Variants in QTMAN observed in about 807,000 individuals in gnomAD.
QTMAN encodes the protein tRNA-queuosine alpha-mannosyltransferase.
the QTMAN span, among the ~76,000 whole-genome samples, chr2:144,187,670 CAG>C: frequency 6.6e-6 from 1 of 152,132 alleles, no homozygotes; most frequent in Non-Finnish European, 1.5e-5. Flanking sequence ...TGATACCAGA[CAG>C]AGTCCTTTAT....
the QTMAN span, among the ~76,000 whole-genome samples, chr2:144,216,577 TATCTGGACAC>T: frequency 7.9e-4 from 121 of 152,358 alleles, no homozygotes; most frequent in South Asian, 0.01. Context: ...GCAGCAAGTA[TATCTGGACAC>T]ATTTTATTAT....
At chr2:144,062,857 TCTC>T in the QTMAN span, among the ~76,000 whole-genome samples, 1 of 152,102 alleles carries the variant, frequency 6.6e-6, no homozygotes, top group Non-Finnish European at 1.5e-5. Context: ...TAACAGAATC[TCTC>T]CTTTGTACGA....
the QTMAN span, among the ~76,000 whole-genome samples, chr2:144,000,201 C>T: frequency 1.3e-5 from 2 of 151,938 alleles, no homozygotes; most frequent in Non-Finnish European, 2.9e-5. Context: ...TCTAATAGTG[C>T]TATGTCAGAG....
At chr2:144,287,340 C>A in the QTMAN span, among the ~76,000 whole-genome samples, 1 of 150,724 alleles carries the variant, frequency 6.6e-6, no homozygotes, top group Non-Finnish European at 1.5e-5. Flanking sequence ...GAGGCTGAGG[C>A]AGGAGAATGG....
chr2:144,193,505 CGTGT>C, the QTMAN span, among the ~76,000 whole-genome samples: 2,436 of 146,138 alleles, frequency 0.017, 63 homozygotes, highest in African/African-American at 0.058. Flanking sequence ...ATATATATTA[CGTGT>C]GTGTGTGTGT....
chr2:144,114,003 C>A, the QTMAN span, among the ~76,000 whole-genome samples: 1 of 152,154 alleles, frequency 6.6e-6, no homozygotes. Context: ...GGGTTTCAGG[C>A]TTGGTGCCAC....
chr2:144,310,864 T>C, the QTMAN span, among the ~76,000 whole-genome samples: 2 of 152,224 alleles, frequency 1.3e-5, no homozygotes, highest in Non-Finnish European at 2.9e-5. Flanking sequence ...GGAGATGTCA[T>C]AAGACAGCTG....
At chr2:144,214,829 A>G in the QTMAN span, among the ~76,000 whole-genome samples, 2 of 152,322 alleles carry the variant, frequency 1.3e-5, no homozygotes, top group East Asian at 3.9e-4. Context: ...ATGAATTGCA[A>G]TGATCTTTTA....
the QTMAN span, among the ~76,000 whole-genome samples, chr2:144,111,431 C>T: frequency 6.6e-6 from 1 of 152,156 alleles, no homozygotes; most frequent in Non-Finnish European, 1.5e-5. Context: ...GGCTCTAAAA[C>T]ATAGGTAAGG....
At chr2:144,284,109 A>G in the QTMAN span, among the ~76,000 whole-genome samples, 1 of 152,110 alleles carries the variant, frequency 6.6e-6, no homozygotes, top group Non-Finnish European at 1.5e-5. Context: ...CTTTGTTTAC[A>G]AAAACAAATA....
the QTMAN span, among the ~76,000 whole-genome samples, chr2:144,078,509 G>T: frequency 6.6e-6 from 1 of 152,204 alleles, no homozygotes; most frequent in Non-Finnish European, 1.5e-5. Context: ...TAAGCAGAAA[G>T]ATATGCATTT....
the QTMAN span, among the ~76,000 whole-genome samples, chr2:143,984,201 C>T: frequency 1.3e-5 from 2 of 152,134 alleles, no homozygotes; most frequent in African/African-American, 4.8e-5. Flanking sequence ...TGTTATTTTC[C>T]CCTTCTCTTA....
chr2:143,954,093 A>G, the QTMAN span, among the ~76,000 whole-genome samples: 1 of 151,974 alleles, frequency 6.6e-6, no homozygotes, highest in East Asian at 1.9e-4. Context: ...ATGCAAACTA[A>G]TACCTCATAT....
At chr2:144,332,809 G>A in the QTMAN span, among the ~76,000 whole-genome samples, 1 of 152,134 alleles carries the variant, frequency 6.6e-6, no homozygotes, top group African/African-American at 2.4e-5. Flanking sequence ...TCAGCACCCT[G>A]TCCGCCCTTT....
chr2:144,300,689 C>G, the QTMAN span, among the ~76,000 whole-genome samples: 2 of 151,954 alleles, frequency 1.3e-5, no homozygotes, highest in Admixed American at 1.3e-4. Flanking sequence ...CTGTATTTTT[C>G]AAAGATATGT....
the QTMAN span, among the ~76,000 whole-genome samples, chr2:144,189,596 G>A: frequency 2.6e-5 from 4 of 152,006 alleles, no homozygotes; most frequent in African/African-American, 9.7e-5. Flanking sequence ...TGTTCCCTGG[G>A]AGACTGCCTT....
the QTMAN span, among the ~76,000 whole-genome samples, chr2:144,028,074 T>C: frequency 6.6e-6 from 1 of 152,152 alleles, no homozygotes; most frequent in African/African-American, 2.4e-5. Flanking sequence ...ATAGCACTTA[T>C]CCTTCCTTGG....
the QTMAN span, among the ~76,000 whole-genome samples, chr2:144,175,120 G>A: frequency 1.3e-5 from 2 of 151,666 alleles, no homozygotes; most frequent in African/African-American, 4.8e-5. Context: ...AACAAATCAA[G>A]GAAGAGAAGT....
At chr2:144,164,916 A>C in the QTMAN span, among the ~76,000 whole-genome samples, 1 of 152,214 alleles carries the variant, frequency 6.6e-6, no homozygotes, top group Non-Finnish European at 1.5e-5. Flanking sequence ...AATTCTAAGA[A>C]TCCAAATAGA....
Sources: allele counts gnomAD v4.1 joint callset (sites outside exome capture counted in the v4.1 genomes callset), GRCh38; gene constraint gnomAD v4.1.1; transcripts MANE v1.5; gene names NCBI Gene and HGNC (gene_info 2026-07-23, HGNC 2026-07-21).